The following PSG2 variants were observed in gnomAD, a reference collection of about 807,000 sequenced individuals.
The protein encoded by PSG2 is pregnancy-specific beta-1-glycoprotein 2.
A neutral mutation model predicts 36.2 loss-of-function variants in PSG2; 49 were observed. The ratio of observed to expected loss-of-function variants is 1.35; its 90% CI spans 1.08 to 1.72. The LOEUF is 1.72. Among genes scored for constraint, PSG2 ranks in the 40% most tolerant of loss-of-function variants. The pLI is 0.00. For synonymous variants in PSG2, 261 were observed against 155.6 expected (o/e 1.68, Z -5.04); for missense variants, 605 against 407.2 (o/e 1.49, Z -4.18).
rs1967712422 is a variant in PSG2, at chr19:43,064,453, A to G, written c.*189T>C. 5 of 419,206 alleles carry G rather than the reference A, an allele frequency of 1.2e-5. No individual in the cohort carries two copies. The South Asian group carries it at 1.6e-4, about 13-fold the overall frequency. 26.0% of individuals were successfully genotyped at this position (419,206 alleles called of 1,614,324 possible). A position where few individuals can be genotyped will look rare whatever the true frequency, so the allele number is the denominator to read the frequency against. ...CCTTTTGATTATTTAGTCCAATAAC[A>G]TTGAGTATTTTTCTTCTTTGTCTTG... On this transcript the variant is annotated 3_prime_UTR_variant, in exon 6 of 6. Coordinates refer to ENST00000406487, the MANE Select transcript of PSG2 (RefSeq NM_031246.4).
At chr19:43,074,826 T>C (rs1263851824) in intron 3 of PSG2, among the ~76,000 whole-genome samples, 2 of 151,762 alleles carry the variant, frequency 1.3e-5, no homozygotes, top group African/African-American at 4.9e-5. Context: ...TGCTGATTGC[T>C]GGAACTTCCC....
rs1293885457 is a variant in PSG2, at chr19:43,082,687, G to T, written c.-118C>A. On this transcript the variant is annotated 5_prime_UTR_variant, in exon 1 of 6. Transcript: ENST00000406487. ...CTTCTGCACTGAGCCTCTTCCTGGG[G>T]CAGCAGCAATTCCCAGGCTCATGGG... is the stretch of plus-strand genomic sequence containing the variant. 3 of 1,472,200 alleles carry T rather than the reference G, an allele frequency of 2.0e-6. No homozygotes were observed. The East Asian group carries it at 6.9e-5, about 34-fold the overall frequency. The allele number at this position is 1,472,200 out of a possible 1,614,324, so 91.2% of individuals were successfully genotyped here. A position where few individuals can be genotyped will look rare whatever the true frequency, so the allele number is the denominator to read the frequency against.
At chr19:43,073,392 G>A (rs2122904666) in intron 3 of PSG2, among the ~76,000 whole-genome samples, 1 of 151,906 alleles carries the variant, frequency 6.6e-6, no homozygotes, top group South Asian at 2.1e-4. Flanking sequence ...TCCTTCTGCA[G>A]AGGGCAGGTG....
rs572563252 is a variant in PSG2 at position 43,073,937 on chromosome 19, T to C, written c.709+1417A>G. 1.3e-5 allele frequency among the ~76,000 whole-genome samples: 2 copies of C among 151,746 alleles called. 1 individual carries two copies. Among genetic ancestry groups the C allele is most frequent in the Non-Finnish European group, 2.9e-5 (2 of 67,978 alleles). On this transcript the variant is annotated intron_variant, in intron 3 of 5. Coordinates refer to ENST00000406487, the MANE Select transcript of PSG2 (RefSeq NM_031246.4). ...CTCCAGTGAGCATTTCTTTTCAGCA[T>C]CAGATTAGTAGGCAAAAGTGGGAGG...
At chr19:43,079,236 G>A (rs117920508) in intron 2 of PSG2, among the ~76,000 whole-genome samples, 2,315 of 151,532 alleles carry the variant, frequency 0.015, 91 homozygotes, top group East Asian at 0.092. Flanking sequence ...CTACACTGAC[G>A]TCAGAGACCC....
intron 5 of PSG2, chr19:43,065,737 T>A (rs1967730650): frequency 6.6e-6 from 1 of 151,760 alleles, no homozygotes; most frequent in Non-Finnish European, 1.5e-5. Flanking sequence ...CATGAACTGA[T>A]CATCAGGAAA....
Position 43,067,646 on chromosome 19 carries a change from CAGGGGG to C in PSG2, c.965-1052_965-1047del, listed in dbSNP as rs540251056. Among the ~76,000 whole-genome samples, 399 of 151,332 alleles carry C rather than the reference CAGGGGG, an allele frequency of 2.6e-3. 7 individuals carry two copies. The highest frequency in any genetic ancestry group is 4.3e-3 in the Admixed American group (66 of 15,210). On this transcript the variant is annotated intron_variant, in intron 4 of 5. Coordinates refer to ENST00000406487, the MANE Select transcript of PSG2 (RefSeq NM_031246.4). The stretch of plus-strand genomic sequence containing the variant: ...TTTCCTGGTGTCATATGGCTAGTGA[CAGGGGG>C]ATCTGAGATTTCATTCTAGGACTAT...
At position 43,075,388 on chromosome 19, in the gene PSG2, G is replaced by C. The variant is rs1325591355; in HGVS notation, c.675C>G (p.Ala225=). The C allele has an allele frequency of 1.9e-6, 3 of 1,613,060 alleles. No homozygotes were observed. In the African/African-American group the frequency reaches 4.0e-5, roughly 22 times the overall value. Residue 225 remains alanine, a synonymous_variant, in exon 3 of 6, where the codon GCC becomes GCG. Transcript: ENST00000406487. ...YECEIRNSGS[A]SRSDPVTLNL... ...TCAGGGTGACTGGGTCACTGCGGCTGGCACTCCCTGAGTTCCGTATTTCAC... is the reference window on the plus strand; with the variant it reads ...TCAGGGTGACTGGGTCACTGCGGCTCGCACTCCCTGAGTTCCGTATTTCAC...
intron 2 of PSG2, among the ~76,000 whole-genome samples, chr19:43,079,650 T>C (rs1967943655): frequency 6.7e-6 from 1 of 149,486 alleles, no homozygotes; most frequent in Admixed American, 6.8e-5. Context: ...GGTTCAGTGA[T>C]GGGGGTTAAG....
At chr19:43,070,069 G>A (rs764686129) in intron 4 of PSG2, among the ~76,000 whole-genome samples, 2 of 151,674 alleles carry the variant, frequency 1.3e-5, no homozygotes, top group African/African-American at 2.4e-5. Context: ...CAAATATCCA[G>A]TAAGCCCATG....
chr19:43,066,350 A>T (rs1330832019), intron 5 of PSG2, among the ~76,000 whole-genome samples, 167 bp downstream of exon 5: 1 of 151,708 alleles, frequency 6.6e-6, no homozygotes, highest in Non-Finnish European at 1.5e-5. Flanking sequence ...TACAGGGAGC[A>T]TAAAGGCCAG....
At position 43,064,403 on chromosome 19, in the gene PSG2, A is replaced by C. The variant is rs879512511; in HGVS notation, c.*239T>G. On this transcript the variant is annotated 3_prime_UTR_variant, in exon 6 of 6. Coordinates refer to ENST00000406487, the MANE Select transcript of PSG2 (RefSeq NM_031246.4). ...ACATTCCAAGAATCAGCACATTTTC[A>C]AATAGAAAATTATGAAATCATTATC... 1 of 312,790 alleles carries C rather than the reference A, an allele frequency of 3.2e-6. No individual in the cohort carries two copies. Among genetic ancestry groups the C allele is most frequent in the Non-Finnish European group, 6.3e-6 (1 of 159,636 alleles). 19.4% of individuals were successfully genotyped at this position (312,790 alleles called of 1,614,324 possible).
At chr19:43,076,184 C>T (rs1026158990) in intron 2 of PSG2, among the ~76,000 whole-genome samples, 5 of 151,662 alleles carry the variant, frequency 3.3e-5, no homozygotes, top group African/African-American at 1.2e-4. Context: ...GCCTGGAGGT[C>T]AGTTCAGTCA....
intron 4 of PSG2, among the ~76,000 whole-genome samples, chr19:43,070,996 G>A (rs1440507456): frequency 1.3e-5 from 2 of 151,662 alleles, no homozygotes; most frequent in African/African-American, 2.4e-5. Flanking sequence ...TGTGCCCACA[G>A]CTTCATACAA....
intron 3 of PSG2, chr19:43,072,771 C>T (rs1466336514): frequency 1.4e-6 from 2 of 1,469,374 alleles, no homozygotes; most frequent in Non-Finnish European, 1.8e-6. Flanking sequence ...TGTCACAAGA[C>T]AGATGCATGA....
intron 3 of PSG2, 150 bp downstream of exon 3, chr19:43,075,204 G>C: frequency 6.5e-7 from 1 of 1,532,302 alleles, no homozygotes; most frequent in Non-Finnish European, 8.9e-7. Context: ...GGCCTATTCT[G>C]GTTTGCCTGG....
At chr19:43,073,940 G>T (rs1203550902) in intron 3 of PSG2, among the ~76,000 whole-genome samples, 1 of 151,716 alleles carries the variant, frequency 6.6e-6, no homozygotes, top group Non-Finnish European at 1.5e-5. Flanking sequence ...TTCAGCATCA[G>T]ATTAGTAGGC....
chr19:43,064,415 A>T lies in PSG2; in HGVS notation c.*227T>A. Reference sequence around the variant, plus strand: ...TCAGCACATTTTCAAATAGAAAATTATGAAATCATTATCCTTTTGATTATT... The same window carrying T: ...TCAGCACATTTTCAAATAGAAAATTTTGAAATCATTATCCTTTTGATTATT... On this transcript the variant is annotated 3_prime_UTR_variant, in exon 6 of 6. Coordinates refer to ENST00000406487, the MANE Select transcript of PSG2 (RefSeq NM_031246.4). 1 of 327,228 alleles carries T rather than the reference A, an allele frequency of 3.1e-6. No individual in the cohort carries two copies. The highest frequency in any genetic ancestry group is 5.9e-6 in the Non-Finnish European group (1 of 168,590). The allele number at this position is 327,228 out of a possible 1,614,324, so 20.3% of individuals were successfully genotyped here. A position where few individuals can be genotyped will look rare whatever the true frequency, so the allele number is the denominator to read the frequency against.
rs1224095634 is a variant in PSG2, at chr19:43,080,961, G to A, written c.350C>T (p.Ala117Val). 6.2e-7 allele frequency: 1 copy of A among 1,613,046 alleles called. No homozygotes were observed. The highest frequency in any genetic ancestry group is 2.2e-5 in the East Asian group (1 of 44,876). Residue 117 changes from alanine (A) to valine (V), a missense_variant, in exon 2 of 6, where the codon GCA (alanine) becomes GTA (valine). Ala to Val is a moderately conservative substitution (Grantham distance 64). Coordinates refer to ENST00000406487, the MANE Select transcript of PSG2 (RefSeq NM_031246.4). ...TATGATGTGTAAGGTGTAGGATCCT[G>A]CGTCCTCCCGGGTGACATTCTGGAT... is the stretch of plus-strand genomic sequence containing the variant. ...LLIQNVTRED[A>V]GSYTLHIIKR...
Sources: gnomAD v4.1 joint callset for allele counts (sites outside exome capture counted in the v4.1 genomes callset) on GRCh38, gnomAD v4.1.1 for gene constraint, MANE v1.5 for transcripts, NCBI Gene and HGNC (gene_info 2026-07-23, HGNC 2026-07-21) for gene names.